Variants in CCDC40 observed in about 807,000 individuals in gnomAD.
CCDC40 encodes coiled-coil domain-containing protein 40.
Under a neutral mutation model 124.5 loss-of-function variants are expected in CCDC40, and 104 were observed. The ratio of observed to expected loss-of-function variants is 0.84; its 90% confidence interval spans 0.71 to 0.98. The LOEUF is 0.98. CCDC40 is among the 50% of genes least tolerant of loss of function. The probability of loss-of-function intolerance (pLI) is 0.00; values close to 1 mark genes in which losing one functional copy is unlikely to be tolerated. For missense variants in CCDC40, 1,463 were observed against 1,503.9 expected, an observed-to-expected ratio of 0.97 and a Z score of 0.45; for synonymous variants, 580 against 602.9, an observed-to-expected ratio of 0.96 and a Z score of 0.56.
chr17:80,074,052 GA>G (rs1347509317), intron 10 of CCDC40, among the ~76,000 whole-genome samples: 1 of 152,220 alleles, frequency 6.6e-6, no homozygotes, highest in Non-Finnish European at 1.5e-5. Context: ...CAAAAGCTGA[GA>G]TAAGCCAAAA....
rs145047968 is a variant in CCDC40 at position 80,086,291 on chromosome 17, G to A, written c.2449+75G>A. 5.0e-4 allele frequency: 611 copies of A among 1,218,714 alleles called. 3 individuals carry two copies. The African/African-American group carries it at 7.6e-3, about 15-fold the overall frequency. 75.5% of individuals were successfully genotyped at this position (1,218,714 alleles called of 1,614,324 possible). On this transcript the variant is annotated intron_variant, in intron 14 of 19. Coordinates refer to ENST00000397545, the MANE Select transcript of CCDC40 (RefSeq NM_017950.4). The surrounding 1 kb of genome is among the most constrained non-coding windows in gnomAD (Gnocchi z 5.5). ...GACGTGGGCACCTCCCAGGGGAGGG[G>A]CACTCAGTGGGGCACGTCGCTGGAT...
chr17:80,096,085 GA>G (rs2038805401), intron 18 of CCDC40, among the ~76,000 whole-genome samples: 1 of 152,240 alleles, frequency 6.6e-6, no homozygotes, highest in Non-Finnish European at 1.5e-5. Flanking sequence ...CCCGCTGTGT[GA>G]CCTCGGAGTA....
chr17:80,041,619 A>G (rs961837946), intron 3 of CCDC40, among the ~76,000 whole-genome samples: 2 of 152,140 alleles, frequency 1.3e-5, no homozygotes, highest in African/African-American at 4.8e-5. Context: ...AAAGAGATTC[A>G]GTTCAGAATC....
intron 17 of CCDC40, chr17:80,090,832 C>A: frequency 8.5e-7 from 1 of 1,179,614 alleles, no homozygotes; most frequent in Non-Finnish European, 1.1e-6. Flanking sequence ...ATAGAAATTC[C>A]TCTGCTGAGT....
In CCDC40 at chr17:80,058,455, C is replaced by T. The variant is rs773032828; in HGVS notation, c.1160-39C>T. The T allele has an allele frequency of 6.2e-6, 10 of 1,604,622 alleles. No individual in the cohort carries two copies. In the Admixed American group the frequency reaches 6.7e-5, roughly 11 times the overall value. On this transcript the variant is annotated intron_variant, in intron 7 of 19. Transcript: ENST00000397545. This position sits in a 1 kb window ranked among gnomAD's most constrained non-coding sequence, Gnocchi z 4.2. ...GGGGGACGCTGGGACAGCCTCCCCA[C>T]TCACTCTCTCTCTCTTTCTCCCCCG...
Position 80,047,349 on chromosome 17 carries a change from A to G in CCDC40, c.623A>G (p.His208Arg), listed in dbSNP as rs2037451044. The change falls in exon 4 of 20, where the codon CAC becomes CGC. Residue 208 changes from histidine to arginine, a missense_variant. By Grantham distance (29) the His-to-Arg change is conservative. Coordinates refer to ENST00000397545, the MANE Select transcript of CCDC40 (RefSeq NM_017950.4). ...MGVQHRFRLS[H>R]GSDIESSDLE... Reference sequence around the variant, plus strand: ...GTCCAGCACCGCTTCCGGCTGAGCCACGGGAGCGACATCGAGTCCTCAGAC... The same window carrying G: ...GTCCAGCACCGCTTCCGGCTGAGCCGCGGGAGCGACATCGAGTCCTCAGAC... 6.2e-7 allele frequency: 1 copy of G among 1,613,862 alleles called. No homozygotes were observed. Among genetic ancestry groups the G allele is most frequent in the South Asian group, 1.1e-5 (1 of 91,052 alleles).
chr17:80,036,801 C>T, intron 1 of CCDC40, 110 bp downstream of exon 1: 1 of 1,019,630 alleles, frequency 9.8e-7, no homozygotes, highest in Non-Finnish European at 1.4e-6. Context: ...CGCCTCCACT[C>T]CCCCTTCCTC....
chr17:80,085,399 G>A (rs1184111686), intron 13 of CCDC40, among the ~76,000 whole-genome samples: 2 of 152,232 alleles, frequency 1.3e-5, no homozygotes, highest in African/African-American at 2.4e-5. Flanking sequence ...GAGGCCTGAT[G>A]CCATATACGT....
chr17:80,075,737 C>T (rs936900618), intron 10 of CCDC40, among the ~76,000 whole-genome samples: 1 of 152,188 alleles, frequency 6.6e-6, no homozygotes, highest in African/African-American at 2.4e-5. Context: ...CCTCGGCCTC[C>T]CAAAGTGCTG....
chr17:80,084,623 C>A, intron 12 of CCDC40, 120 bp from the exon 13 acceptor site: 1 of 1,221,684 alleles, frequency 8.2e-7, no homozygotes, highest in Non-Finnish European at 1.2e-6. Context: ...GCACTCGTGA[C>A]TGTGCGTTTG....
chr17:80,064,411 G>A (rs1402423177), intron 9 of CCDC40, among the ~76,000 whole-genome samples: 1 of 152,086 alleles, frequency 6.6e-6, no homozygotes, highest in African/African-American at 2.4e-5. Context: ...GACTCATCAA[G>A]AATCCCAAAC....
chr17:80,038,252 C>T (rs1335492797), intron 2 of CCDC40, 66 bp downstream of exon 2: 11 of 1,119,074 alleles, frequency 9.8e-6, no homozygotes, highest in Non-Finnish European at 1.3e-5. Context: ...AATCAGAGTA[C>T]GGGCACTGTG....
At position 80,050,208 on chromosome 17, in the gene CCDC40, AAGG is replaced by A; in HGVS notation, c.1093_1095del (p.Glu365del). ...AATGGCCTCGAGCGAGCGCAGGCAG[AAGG>A]AGGAGGAGCTGCAGGCCGCCCGCGC... On this transcript the variant is annotated inframe_deletion, in exon 7 of 20. Transcript: ENST00000397545. 6.2e-7 allele frequency: 1 copy of A among 1,610,252 alleles called. No individual in the cohort carries two copies. The highest frequency in any genetic ancestry group is 8.5e-7 in the Non-Finnish European group (1 of 1,179,168).
Position 80,089,855 on chromosome 17 carries a change from G to A in CCDC40, c.2803G>A (p.Ala935Thr). The A allele has an allele frequency of 6.2e-7, 1 of 1,614,288 alleles. No individual in the cohort carries two copies. The highest frequency in any genetic ancestry group is 8.5e-7 in the Non-Finnish European group (1 of 1,180,058). The change falls in exon 17 of 20, where the codon GCC (alanine) becomes ACC (threonine). Residue 935 changes from alanine (A) to threonine (T), a missense_variant. By Grantham distance (58) the Ala-to-Thr change is moderately conservative (BLOSUM62 0). Transcript: ENST00000397545. ...CGAGATCGGCCAGACGGAGATCCGG[G>A]CCATGAAGGGCGAGATCCACAGGAT... ...DSEIGQTEIR[A>T]MKGEIHRMKV...
chr17:80,044,706 CAA>C (rs72238955), intron 3 of CCDC40, among the ~76,000 whole-genome samples: 1,928 of 74,030 alleles, frequency 0.026, 110 homozygotes, highest in African/African-American at 0.1. Flanking sequence ...AACAAACAAA[CAA>C]AAAAAAAAAT....
Position 80,099,774 on chromosome 17 carries a change from A to G in CCDC40, c.3428A>G (p.Ter1143TrpextTer124). 6.2e-7 allele frequency: 1 copy of G among 1,612,592 alleles called. No homozygotes were observed. Among genetic ancestry groups the G allele is most frequent in the Non-Finnish European group, 8.5e-7 (1 of 1,179,748 alleles). ...ANKLESPGPS[*>W] ...AAGCTCGAGTCACCAGGGCCCTCCT[A>G]GGGAGCAGCCTGGACTCCGCCTTGC... Residue 1143 changes from the stop codon to tryptophan (W), a stop_lost, in exon 20 of 20, where the codon TAG becomes TGG. Coordinates refer to ENST00000397545, the MANE Select transcript of CCDC40 (RefSeq NM_017950.4).
At position 80,058,745 on chromosome 17, in the gene CCDC40, C is replaced by A. The variant is rs929127595; in HGVS notation, c.1317+94C>A. ...TGCCTCCTGCGTGAAGGCTTCCGGC[C>A]GGAGGGGTGGCGGCCGGCCTGGGTG... On this transcript the variant is annotated intron_variant, in intron 8 of 19. Transcript: ENST00000397545. This position sits in a 1 kb window ranked among gnomAD's most constrained non-coding sequence, Gnocchi z 4.2. 8 of 1,603,848 alleles carry A rather than the reference C, an allele frequency of 5.0e-6. No individual in the cohort carries two copies. The African/African-American group carries it at 1.1e-4, about 21-fold the overall frequency.
intron 17 of CCDC40, among the ~76,000 whole-genome samples, chr17:80,091,817 G>A (rs113115292): frequency 6.6e-6 from 1 of 151,842 alleles, no homozygotes; most frequent in Non-Finnish European, 1.5e-5. Context: ...GAGATTACTA[G>A]GTCAAAGGGT....
intron 10 of CCDC40, 78 bp from the exon 11 acceptor site, chr17:80,081,468 C>T: frequency 1.3e-6 from 2 of 1,587,328 alleles, no homozygotes; most frequent in South Asian, 1.1e-5. Flanking sequence ...AGTGAGCTCC[C>T]TCGTGTGGGG....
Sources: allele counts gnomAD v4.1 joint callset (sites outside exome capture counted in the v4.1 genomes callset), GRCh38; gene constraint gnomAD v4.1.1; non-coding constraint Gnocchi (gnomAD v3.1); transcripts MANE v1.5; gene names NCBI Gene and HGNC (gene_info 2026-07-23, HGNC 2026-07-21).